Variants in PCDHA2 observed in about 807,000 individuals in gnomAD.
PCDHA2 encodes protocadherin alpha-2.
Under a neutral mutation model 66.0 loss-of-function variants are expected in PCDHA2, and 58 were observed. The ratio of observed to expected loss-of-function variants is 0.88; its 90% CI spans 0.71 to 1.09. The LOEUF (loss-of-function observed/expected upper bound fraction) is 1.09. Among genes scored for constraint, PCDHA2 ranks in the 50% least tolerant of loss-of-function variants. The probability of loss-of-function intolerance (pLI) is 0.00; values close to 1 mark genes in which losing one functional copy is unlikely to be tolerated. For missense variants in PCDHA2, 1,267 were observed against 1,242.3 expected (o/e 1.02, Z -0.30); for synonymous variants, 634 against 554.0 (o/e 1.14, Z -2.03).
Position 140,847,412 on chromosome 5 carries a change from C to T in PCDHA2, c.2388+50060C>T, listed in dbSNP as rs1554141782. On this transcript the variant is annotated intron_variant, in intron 1 of 3. Coordinates refer to ENST00000526136, the MANE Select transcript of PCDHA2 (RefSeq NM_018905.3). ...ACATTAATGGCACAATAAACACTCA[C>T]GGTTTTGCCTTTAGACTTGAGATAC... 2 of 149,550 alleles carry T rather than the reference C, an allele frequency of 1.3e-5. 1 individual carries two copies. Among genetic ancestry groups the T allele is most frequent in the Non-Finnish European group, 3.0e-5 (2 of 66,894 alleles). 9.3% of individuals were successfully genotyped at this position (149,550 alleles called of 1,614,324 possible). A position where few individuals can be genotyped will look rare whatever the true frequency, so the allele number is the denominator to read the frequency against.
At chr5:140,905,802 C>T (rs1043410620) in intron 1 of PCDHA2, among the ~76,000 whole-genome samples, 11 of 152,152 alleles carry the variant, frequency 7.2e-5, no homozygotes, top group African/African-American at 2.7e-4. Flanking sequence ...TCTAGAGGGA[C>T]AGAATTAATA....
chr5:140,832,222 T>A (rs1554133477), intron 1 of PCDHA2, among the ~76,000 whole-genome samples: 1 of 152,164 alleles, frequency 6.6e-6, no homozygotes, highest in Non-Finnish European at 1.5e-5. Context: ...TTTCCTGGAG[T>A]TGGTTTTGAC....
At chr5:140,904,560 T>G (rs2071228381) in intron 1 of PCDHA2, among the ~76,000 whole-genome samples, 1 of 152,102 alleles carries the variant, frequency 6.6e-6, no homozygotes, top group African/African-American at 2.4e-5. Flanking sequence ...AATGACTTTT[T>G]TTTCCTCTGG....
At chr5:140,980,149 A>G (rs1287895980) in intron 2 of PCDHA2, among the ~76,000 whole-genome samples, 1 of 152,184 alleles carries the variant, frequency 6.6e-6, no homozygotes, top group East Asian at 1.9e-4. Flanking sequence ...ATTCATGCAT[A>G]TACCAGAATA....
intron 1 of PCDHA2, among the ~76,000 whole-genome samples, chr5:140,839,987 G>A (rs187099249): frequency 6.6e-6 from 1 of 152,212 alleles, no homozygotes; most frequent in African/African-American, 2.4e-5. Context: ...TTGGAAAGTG[G>A]TTAGCCTTAG....
intron 1 of PCDHA2, chr5:140,850,656 C>T: frequency 6.3e-7 from 1 of 1,598,598 alleles, no homozygotes; most frequent in Non-Finnish European, 8.6e-7. Context: ...GTACACTGTG[C>T]TGCGGTGCTC....
At chr5:140,987,050 C>G (rs781947211) in intron 3 of PCDHA2, among the ~76,000 whole-genome samples, 34 of 151,840 alleles carry the variant, frequency 2.2e-4, no homozygotes, top group Non-Finnish European at 2.5e-4. Context: ...CCCATCTCTA[C>G]TAAAGTTACA....
chr5:140,879,744 A>T (rs1356373675), intron 1 of PCDHA2, among the ~76,000 whole-genome samples: 1 of 152,212 alleles, frequency 6.6e-6, no homozygotes, highest in Admixed American at 6.5e-5. Flanking sequence ...AGGTGTTGTC[A>T]AGGCTATACT....
intron 1 of PCDHA2, chr5:140,829,543 G>T (rs2150169755): frequency 1.2e-6 from 2 of 1,612,982 alleles, no homozygotes; most frequent in African/African-American, 1.3e-5. Context: ...ACGCGGACGC[G>T]CAGGAGAACG....
intron 1 of PCDHA2, chr5:140,848,356 A>C: frequency 9.6e-7 from 1 of 1,038,310 alleles, no homozygotes; most frequent in Non-Finnish European, 1.4e-6. Flanking sequence ...CCCTTTTCCC[A>C]TGGGAAAGAG....
At chr5:140,984,631 T>C (rs1400847452) in intron 3 of PCDHA2, among the ~76,000 whole-genome samples, 1 of 152,192 alleles carries the variant, frequency 6.6e-6, no homozygotes, top group Non-Finnish European at 1.5e-5. Flanking sequence ...TTAAAGGGAT[T>C]CTCTGCCTTC....
chr5:140,926,351 C>T (rs1301072681), intron 1 of PCDHA2: 2 of 152,276 alleles, frequency 1.3e-5, no homozygotes, highest in African/African-American at 4.8e-5. Flanking sequence ...CGACGCGCGG[C>T]TCCCAAAGGG....
At chr5:140,916,613 A>T (rs2077649645) in intron 1 of PCDHA2, among the ~76,000 whole-genome samples, 1 of 151,990 alleles carries the variant, frequency 6.6e-6, no homozygotes, top group Non-Finnish European at 1.5e-5. Flanking sequence ...GGGCCTCATG[A>T]CTCTACTCAA....
At chr5:140,917,357 C>G (rs2078163128) in intron 1 of PCDHA2, among the ~76,000 whole-genome samples, 1 of 146,268 alleles carries the variant, frequency 6.8e-6, no homozygotes, top group African/African-American at 2.5e-5. Context: ...GGCTTCTGTT[C>G]CACTATCTTG....
chr5:140,903,448 G>T (rs188990837), intron 1 of PCDHA2, among the ~76,000 whole-genome samples: 2 of 152,278 alleles, frequency 1.3e-5, no homozygotes, highest in African/African-American at 2.4e-5. Context: ...GAATTCATCT[G>T]ATCAAACTTA....
chr5:141,003,352 C>T (rs747533399), intron 3 of PCDHA2, among the ~76,000 whole-genome samples: 38 of 152,318 alleles, frequency 2.5e-4, no homozygotes, highest in Non-Finnish European at 1.5e-4. Context: ...TGCTCTGTCA[C>T]CCAGGCTGGA....
chr5:140,829,774 C>A (rs1293917446), intron 1 of PCDHA2: 3 of 1,613,670 alleles, frequency 1.9e-6, no homozygotes, highest in Non-Finnish European at 2.5e-6. Flanking sequence ...AGAACGACAA[C>A]GCGCCGGCGC....
chr5:140,998,220 C>G (rs1554256199), intron 3 of PCDHA2, among the ~76,000 whole-genome samples: 1 of 152,106 alleles, frequency 6.6e-6, no homozygotes, highest in African/African-American at 2.4e-5. Context: ...ATAACCACAC[C>G]CAGAAATTTG....
Position 140,794,905 on chromosome 5 carries a change from A to T in PCDHA2, c.-60A>T. 1.3e-6 allele frequency: 2 copies of T among 1,506,212 alleles called. No homozygotes were observed. Among genetic ancestry groups the T allele is most frequent in the Non-Finnish European group, 1.8e-6 (2 of 1,115,704 alleles). The allele number at this position is 1,506,212 out of a possible 1,614,324, so 93.3% of individuals were successfully genotyped here. The stretch of plus-strand genomic sequence containing the variant: ...GCAGCAGGACTTTAACAGAGACTAG[A>T]ATATTTAAATTTTTGCAAAACATGC... On this transcript the variant is annotated 5_prime_UTR_variant, in exon 1 of 4. Transcript: ENST00000526136.
Sources: gnomAD v4.1 joint callset for allele counts (sites outside exome capture counted in the v4.1 genomes callset) on GRCh38, gnomAD v4.1.1 for gene constraint, MANE v1.5 for transcripts, NCBI Gene and HGNC (gene_info 2026-07-23, HGNC 2026-07-21) for gene names.